The following CSMD1 variants were observed in gnomAD, a reference collection of about 807,000 sequenced individuals.
The protein encoded by CSMD1 is CUB and sushi domain-containing protein 1.
Under a neutral mutation model 417.5 loss-of-function variants are expected in CSMD1, and 213 were observed. The ratio of observed to expected loss-of-function variants is 0.51; its 90% CI spans 0.46 to 0.57. The LOEUF is 0.57. CSMD1 is among the 20% of genes least tolerant of loss of function. The pLI is 0.00. For synonymous variants in CSMD1, 2,862 were observed against 1,736.8 expected (o/e 1.65, Z -16.11); for missense variants, 6,923 against 4,529.7 (o/e 1.53, Z -15.17).
At chr8:3,674,041 G>A (rs910893762) in intron 7 of CSMD1, among the ~76,000 whole-genome samples, 2 of 152,144 alleles carry the variant, frequency 1.3e-5, no homozygotes, top group Non-Finnish European at 2.9e-5. Flanking sequence ...GGGAGGCAGA[G>A]GTTGCAATGA....
Position 4,966,458 on chromosome 8 carries a change from C to G in CSMD1, c.85+27874G>C, listed in dbSNP as rs1809864024. ...ACACATTTCCTTGTTAGGCTAATAT[C>G]AACCATCACTTCCAGATCTCAATGG... On this transcript the variant is annotated intron_variant, in intron 1 of 69. Coordinates refer to ENST00000635120, the MANE Select transcript of CSMD1 (RefSeq NM_033225.6). Among the ~76,000 whole-genome samples, 3 of 152,124 alleles carry G rather than the reference C, an allele frequency of 2.0e-5. No individual in the cohort carries two copies. The East Asian group carries it at 5.8e-4, about 29-fold the overall frequency.
chr8:4,228,199 G>T (rs1210185061), intron 3 of CSMD1, among the ~76,000 whole-genome samples: 1 of 152,148 alleles, frequency 6.6e-6, no homozygotes, highest in Non-Finnish European at 1.5e-5. Flanking sequence ...CCACATCCAG[G>T]TTTCCTTGGC....
rs991492344 is a variant in CSMD1 at position 4,633,392 on chromosome 8, G to A, written c.302+3950C>T. On this transcript the variant is annotated intron_variant, in intron 2 of 69. Transcript: ENST00000635120. ...CTCCCTAGTAGCTGGGACTACAGGC[G>A]CCCACCACCACGCCCAGCTAATTTT... 3.0e-4 allele frequency among the ~76,000 whole-genome samples: 45 copies of A among 151,620 alleles called. No individual in the cohort carries two copies. The East Asian group carries it at 6.8e-3, about 23-fold the overall frequency.
chr8:4,666,823 T>C (rs1804966734), intron 1 of CSMD1, among the ~76,000 whole-genome samples: 1 of 152,178 alleles, frequency 6.6e-6, no homozygotes, highest in Non-Finnish European at 1.5e-5. Context: ...CTTAACGGTG[T>C]GTTTTGAAGA....
chr8:3,074,725 C>T (rs888603293), intron 49 of CSMD1, among the ~76,000 whole-genome samples: 4 of 152,104 alleles, frequency 2.6e-5, no homozygotes, highest in African/African-American at 9.7e-5. Context: ...AATAAATATA[C>T]AAACATATAT....
chr8:4,604,569 A>C (rs947259198), intron 2 of CSMD1, among the ~76,000 whole-genome samples: 1 of 152,074 alleles, frequency 6.6e-6, no homozygotes, highest in Non-Finnish European at 1.5e-5. Context: ...CTAAATCTCT[A>C]ATTTGTCAAC....
chr8:4,898,503 C>A (rs547599730), intron 1 of CSMD1, among the ~76,000 whole-genome samples: 1 of 152,170 alleles, frequency 6.6e-6, no homozygotes, highest in Admixed American at 6.5e-5. Context: ...TGCTCACTCC[C>A]ATTACAGAAG....
intron 11 of CSMD1, among the ~76,000 whole-genome samples, chr8:3,477,680 G>C (rs937101962): frequency 3.3e-5 from 5 of 152,172 alleles, no homozygotes; most frequent in African/African-American, 1.2e-4. Flanking sequence ...TCAGTTATTT[G>C]ATAAGCCAAA....
chr8:4,167,488 T>G (rs534229308), intron 3 of CSMD1, among the ~76,000 whole-genome samples: 13 of 152,288 alleles, frequency 8.5e-5, no homozygotes, highest in Admixed American at 7.8e-4. Context: ...TTAGAAAAAT[T>G]AAACCTATAA....
intron 1 of CSMD1, among the ~76,000 whole-genome samples, chr8:4,966,542 A>T (rs914897651): frequency 2.0e-5 from 3 of 152,226 alleles, no homozygotes; most frequent in African/African-American, 7.2e-5. Flanking sequence ...GTCACTGTCC[A>T]TCTGAGAGTG....
At chr8:4,175,635 C>A (rs541822272) in intron 3 of CSMD1, among the ~76,000 whole-genome samples, 2 of 152,110 alleles carry the variant, frequency 1.3e-5, no homozygotes, top group Admixed American at 1.3e-4. Context: ...TTTGTGATGG[C>A]AAAAACTTGA....
At chr8:3,546,409 T>G (rs140643603) in intron 10 of CSMD1, among the ~76,000 whole-genome samples, 7,168 of 151,906 alleles carry the variant, frequency 0.047, 483 homozygotes, top group African/African-American at 0.15. Context: ...GGTGGCATAT[T>G]CCTGTAGTCC....
intron 10 of CSMD1, among the ~76,000 whole-genome samples, chr8:3,501,681 G>T (rs954088064): frequency 6.6e-6 from 1 of 152,168 alleles, no homozygotes; most frequent in Non-Finnish European, 1.5e-5. Context: ...CTTTCAAACA[G>T]TGAATTTCCT....
intron 12 of CSMD1, among the ~76,000 whole-genome samples, chr8:3,425,677 C>G (rs765961544): frequency 2.0e-5 from 3 of 151,728 alleles, no homozygotes; most frequent in Non-Finnish European, 2.9e-5. Flanking sequence ...TTTCATTACT[C>G]TTCTGTTGTT....
chr8:3,190,212 A>T (rs1796329829), intron 33 of CSMD1, 97 bp from the exon 34 acceptor site: 4 of 788,140 alleles, frequency 5.1e-6, no homozygotes, highest in Non-Finnish European at 8.1e-6. Context: ...AGGAGAGCTG[A>T]TGCAGACAGA....
intron 2 of CSMD1, among the ~76,000 whole-genome samples, chr8:4,549,142 T>C (rs567256257): frequency 6.6e-6 from 1 of 152,266 alleles, no homozygotes; most frequent in South Asian, 2.1e-4. Flanking sequence ...TTGCCCCAAT[T>C]GTCTTTCTTA....
chr8:3,926,002 T>A (rs1278029852), intron 5 of CSMD1, among the ~76,000 whole-genome samples: 4 of 136,466 alleles, frequency 2.9e-5, no homozygotes, highest in Admixed American at 2.3e-4. Flanking sequence ...AAACTAATTG[T>A]CTATTTGTCT....
At position 4,467,316 on chromosome 8, in the gene CSMD1, G is replaced by T. The variant is rs77188179; in HGVS notation, c.303-47251C>A. 6.3e-3 allele frequency among the ~76,000 whole-genome samples: 962 copies of T among 152,194 alleles called. 10 individuals carry two copies. The highest frequency in any genetic ancestry group is 0.011 in the Non-Finnish European group (755 of 68,002). ...CAAGGAAAGGAGGAGTCACTATACA[G>T]ATTATTTAATTGACCCATTACTGAA... On this transcript the variant is annotated intron_variant, in intron 2 of 69. Coordinates refer to ENST00000635120, the MANE Select transcript of CSMD1 (RefSeq NM_033225.6).
chr8:4,746,017 A>G (rs1209825221), intron 1 of CSMD1, among the ~76,000 whole-genome samples: 2 of 152,204 alleles, frequency 1.3e-5, no homozygotes, highest in African/African-American at 4.8e-5. Context: ...AATCTTCTAA[A>G]CTGTAAAATA....
Sources: allele counts gnomAD v4.1 joint callset (sites outside exome capture counted in the v4.1 genomes callset), GRCh38; gene constraint gnomAD v4.1.1; transcripts MANE v1.5; gene names NCBI Gene and HGNC (gene_info 2026-07-23, HGNC 2026-07-21).